The following PRELID2 variants were observed in gnomAD, a reference collection of about 807,000 sequenced individuals.
The protein encoded by PRELID2 is PRELI domain-containing protein 2.
A neutral mutation model predicts 28.4 loss-of-function variants in PRELID2; 25 were observed. The observed-to-expected ratio is 0.88, with a 90% confidence interval of 0.64 to 1.23. PRELID2 has a LOEUF of 1.23. Ranked by LOEUF, PRELID2 falls within the 50% of genes most tolerant of loss-of-function variation. The pLI is 0.00. For synonymous variants in PRELID2, 76 were observed against 71.6 expected, an observed-to-expected ratio of 1.06 and a Z score of -0.31; for missense variants, 201 against 214.4, an observed-to-expected ratio of 0.94 and a Z score of 0.39.
chr5:145,365,395 A>G, the PRELID2 span, among the ~76,000 whole-genome samples: 238 of 151,840 alleles, frequency 1.6e-3, no homozygotes, highest in African/African-American at 5.2e-3. Context: ...TATGATAAAT[A>G]TGAATATTGC....
Position 145,774,398 on chromosome 5 carries a change from C to T in PRELID2, c.475-9398G>A, listed in dbSNP as rs555981363. 2.6e-5 allele frequency among the ~76,000 whole-genome samples: 4 copies of T among 152,312 alleles called. No homozygotes were observed. The South Asian group carries it at 8.3e-4, about 32-fold the overall frequency. On this transcript the variant is annotated intron_variant, in intron 5 of 6. Transcript: ENST00000683046. The stretch of plus-strand genomic sequence containing the variant: ...ATGTGTAGAGGGAAGAGAATAAGTA[C>T]ACTTCACTGCAGGATCACTCCTGAA...
chr5:145,762,399 T>C (rs1214403931), intron 6 of PRELID2, among the ~76,000 whole-genome samples: 1 of 150,514 alleles, frequency 6.6e-6, no homozygotes, highest in Non-Finnish European at 1.5e-5. Context: ...TAGCCAGGTG[T>C]GGTGGTGCAC....
chr5:145,768,440 C>T (rs2149777003), intron 5 of PRELID2, among the ~76,000 whole-genome samples: 1 of 152,248 alleles, frequency 6.6e-6, no homozygotes, highest in East Asian at 1.9e-4. Flanking sequence ...AAGATAGTTC[C>T]TGCCCCCATG....
At chr5:145,563,909 A>C (rs1451375592) in intron 1 of PRELID2, among the ~76,000 whole-genome samples, 3 of 152,176 alleles carry the variant, frequency 2.0e-5, no homozygotes, top group Non-Finnish European at 4.4e-5. Flanking sequence ...TCCCCCATGA[A>C]AGTAGATTTC....
the PRELID2 span, chr5:145,230,097 T>A: frequency 1.6e-6 from 1 of 628,746 alleles, no homozygotes; most frequent in Non-Finnish European, 3.0e-6. Context: ...AATTTGCAGA[T>A]CCCCCAAGTA....
At position 145,745,317 on chromosome 5, in the gene PRELID2, A is replaced by G. The variant is rs533466573; in HGVS notation, n.70+19614T>C. On this transcript the variant is annotated intron_variant and non_coding_transcript_variant, in intron 1 of 2. Coordinates refer to the PRELID2 transcript ENST00000510259. ...GATATTATCCAGGAGACCTTCCCCAACCTAGCAAGACAGGCCAACATGCAA... is the reference window on the plus strand; with the variant it reads ...GATATTATCCAGGAGACCTTCCCCAGCCTAGCAAGACAGGCCAACATGCAA... Among the ~76,000 whole-genome samples, 11 of 152,308 alleles carry G rather than the reference A, an allele frequency of 7.2e-5. No individual in the cohort carries two copies. In the South Asian group the frequency reaches 2.3e-3, roughly 32 times the overall value.
At chr5:145,813,940 G>A (rs564676039) in intron 4 of PRELID2, among the ~76,000 whole-genome samples, 23 of 152,290 alleles carry the variant, frequency 1.5e-4, no homozygotes, top group African/African-American at 5.5e-4. Context: ...TAATCATAGA[G>A]ACTTTCACCA....
chr5:145,454,290 A>C, the PRELID2 span, among the ~76,000 whole-genome samples: 1 of 152,206 alleles, frequency 6.6e-6, no homozygotes, highest in African/African-American at 2.4e-5. Context: ...CAAAATAATA[A>C]GAGCTATCTA....
At chr5:145,404,597 T>G in the PRELID2 span, among the ~76,000 whole-genome samples, 1 of 152,140 alleles carries the variant, frequency 6.6e-6, no homozygotes, top group African/African-American at 2.4e-5. Flanking sequence ...GAAAGATCCA[T>G]GCACAGTCAC....
the PRELID2 span, among the ~76,000 whole-genome samples, chr5:145,376,321 T>A: frequency 6.6e-6 from 1 of 152,188 alleles, no homozygotes; most frequent in East Asian, 1.9e-4. Flanking sequence ...GATTTTTTCA[T>A]CAAAGTTCAT....
intron 1 of PRELID2, among the ~76,000 whole-genome samples, chr5:145,701,620 T>C (rs983869057): frequency 6.6e-6 from 1 of 152,212 alleles, no homozygotes; most frequent in Non-Finnish European, 1.5e-5. Flanking sequence ...TTGACAACTA[T>C]GCCATCAACA....
At chr5:145,552,438 G>A (rs370087860) in intron 1 of PRELID2, among the ~76,000 whole-genome samples, 8 of 151,966 alleles carry the variant, frequency 5.3e-5, no homozygotes, top group African/African-American at 1.9e-4. Flanking sequence ...TTAGGGATAC[G>A]TCTGGTCTAA....
chr5:145,622,122 A>G (rs552480559), intron 1 of PRELID2, among the ~76,000 whole-genome samples: 200 of 152,292 alleles, frequency 1.3e-3, no homozygotes, highest in African/African-American at 4.5e-3. Context: ...AGAATAAACA[A>G]AGCTTTAGAG....
the PRELID2 span, among the ~76,000 whole-genome samples, chr5:145,262,268 T>C: frequency 2.0e-5 from 3 of 152,068 alleles, no homozygotes; most frequent in Non-Finnish European, 4.4e-5. Flanking sequence ...TTGGAAAACA[T>C]ATTTGAGGGA....
chr5:145,518,894 C>G (rs1278536378), intron 1 of PRELID2, among the ~76,000 whole-genome samples: 3 of 152,198 alleles, frequency 2.0e-5, no homozygotes, highest in African/African-American at 7.2e-5. Flanking sequence ...GTCAATAGTT[C>G]TGAGGTTGAG....
the PRELID2 span, among the ~76,000 whole-genome samples, chr5:145,333,803 G>A: frequency 6.4e-5 from 9 of 141,130 alleles, no homozygotes; most frequent in African/African-American, 2.2e-4. Flanking sequence ...GGTGTTCCAG[G>A]TGCCACTGGA....
the PRELID2 span, among the ~76,000 whole-genome samples, chr5:145,456,630 A>G: frequency 6.6e-6 from 1 of 152,278 alleles, no homozygotes; most frequent in East Asian, 1.9e-4. Flanking sequence ...TGTTTATCAT[A>G]TGTCTACCAC....
chr5:145,774,988 C>T (rs184423718), intron 5 of PRELID2, among the ~76,000 whole-genome samples: 1 of 152,192 alleles, frequency 6.6e-6, no homozygotes, highest in East Asian at 1.9e-4. Flanking sequence ...ACCTATAAAC[C>T]CAGCACTTTG....
At chr5:145,259,521 G>A in the PRELID2 span, among the ~76,000 whole-genome samples, 4 of 152,208 alleles carry the variant, frequency 2.6e-5, no homozygotes, top group South Asian at 8.3e-4. Flanking sequence ...TTATTTTGGC[G>A]CTTTAAGATT....
Sources: gnomAD v4.1 joint callset for allele counts (sites outside exome capture counted in the v4.1 genomes callset) on GRCh38, gnomAD v4.1.1 for gene constraint, MANE v1.5 for transcripts, NCBI Gene and HGNC (gene_info 2026-07-23, HGNC 2026-07-21) for gene names.